Variants in HMGA2 observed in about 807,000 individuals in gnomAD.
HMGA2 encodes high mobility group AT-hook 2, also known as high mobility group protein HMGI-C.
In HMGA2, 8 loss-of-function variants were observed where a neutral mutation model predicts 19.1. The observed-to-expected ratio is 0.42, with a 90% CI of 0.25 to 0.76. The LOEUF (loss-of-function observed/expected upper bound fraction) is 0.76, where lower values mean the gene tolerates loss of function less well. Ranked by LOEUF, HMGA2 falls within the 30% of genes least tolerant of loss-of-function variation. The pLI is 0.28. For missense variants in HMGA2, 109 were observed against 136.3 expected (o/e 0.80, Z 1.00); for synonymous variants, 60 against 48.8 (o/e 1.23, Z -0.96).
intron 3 of HMGA2, among the ~76,000 whole-genome samples, chr12:65,875,565 G>A (rs765974354): frequency 3.1e-4 from 42 of 133,606 alleles, no homozygotes; most frequent in Non-Finnish European, 4.7e-4. Context: ...TTGGGATTGC[G>A]GGCATATGCC....
chr12:65,931,892 G>GCGAT (rs1875729314), intron 3 of HMGA2, among the ~76,000 whole-genome samples: 1 of 152,246 alleles, frequency 6.6e-6, no homozygotes, highest in South Asian at 2.1e-4. Flanking sequence ...TCCAGCCTGG[G>GCGAT]CGATAGAGCA....
Position 65,924,049 on chromosome 12 carries a change from C to T in HMGA2, c.250-27334C>T, listed in dbSNP as rs924112105. ...AAAACAAAAGAACAAACAAAAAAAC[C>T]AGGAAAGTCATTCTCTGACCCACCC... On this transcript the variant is annotated intron_variant, in intron 3 of 4. Transcript: ENST00000403681. 4.0e-5 allele frequency among the ~76,000 whole-genome samples: 6 copies of T among 151,824 alleles called. No homozygotes were observed. The East Asian group carries it at 9.7e-4, about 25-fold the overall frequency.
chr12:65,866,990 G>C (rs1433441482), intron 3 of HMGA2: 1 of 456,248 alleles, frequency 2.2e-6, no homozygotes, highest in Non-Finnish European at 4.4e-6. Flanking sequence ...TGAAGGGGGA[G>C]AAATCAGTTC....
chr12:65,947,713 C>G, intron 3 of HMGA2, among the ~76,000 whole-genome samples: 1 of 152,208 alleles, frequency 6.6e-6, no homozygotes. Context: ...GTCTAAACAA[C>G]TTGAAAGGCT....
chr12:65,879,518 T>C (rs1873246280), intron 3 of HMGA2, among the ~76,000 whole-genome samples: 1 of 152,172 alleles, frequency 6.6e-6, no homozygotes, highest in South Asian at 2.1e-4. Flanking sequence ...AGTAAGTGCA[T>C]GGCCAGAAAA....
chr12:65,961,415 T>C (rs1413110490), intron 4 of HMGA2, among the ~76,000 whole-genome samples: 1 of 152,188 alleles, frequency 6.6e-6, no homozygotes, highest in Non-Finnish European at 1.5e-5. Flanking sequence ...CTCAGGGTCA[T>C]GGCCTGTTGC....
intron 3 of HMGA2, among the ~76,000 whole-genome samples, chr12:65,889,266 GA>G: frequency 6.6e-6 from 1 of 152,182 alleles, no homozygotes; most frequent in Non-Finnish European, 1.5e-5. Flanking sequence ...TCCCAGAAAA[GA>G]AAAAGGGACT....
intron 3 of HMGA2, among the ~76,000 whole-genome samples, chr12:65,847,837 T>C (rs553228005): frequency 1.3e-4 from 20 of 152,342 alleles, no homozygotes; most frequent in African/African-American, 4.8e-4. Flanking sequence ...GTGAGTAGGA[T>C]GACAGTTTTT....
intron 3 of HMGA2, chr12:65,882,117 G>A (rs1873441642): frequency 2.1e-6 from 1 of 479,136 alleles, no homozygotes; most frequent in South Asian, 2.0e-5. Flanking sequence ...ACTGACAAAA[G>A]CAACCTTAGT....
chr12:65,928,957 CATGTATGT>C (rs370239997), intron 3 of HMGA2, among the ~76,000 whole-genome samples: 3 of 152,072 alleles, frequency 2.0e-5, no homozygotes, highest in East Asian at 1.9e-4. Context: ...TGTATATATG[CATGTATGT>C]ATGTATGTAT....
chr12:65,904,241 T>G (rs1874491406), intron 3 of HMGA2, among the ~76,000 whole-genome samples: 1 of 152,374 alleles, frequency 6.6e-6, no homozygotes, highest in African/African-American at 2.4e-5. Flanking sequence ...CCACCCAGTG[T>G]GTTCCTTGGC....
chr12:65,866,415 T>A (rs1486643143), intron 3 of HMGA2, among the ~76,000 whole-genome samples: 2 of 152,162 alleles, frequency 1.3e-5, no homozygotes, highest in Non-Finnish European at 2.9e-5. Context: ...CTGGGTGGAC[T>A]TGATGGAGGA....
At chr12:65,880,397 T>C (rs954587486) in intron 3 of HMGA2, among the ~76,000 whole-genome samples, 5 of 152,238 alleles carry the variant, frequency 3.3e-5, no homozygotes, top group African/African-American at 1.2e-4. Flanking sequence ...ATGAAACACG[T>C]GTTGCCCTTT....
At chr12:65,866,020 G>A (rs767992250) in intron 3 of HMGA2, among the ~76,000 whole-genome samples, 2 of 152,074 alleles carry the variant, frequency 1.3e-5, no homozygotes, top group African/African-American at 2.4e-5. Flanking sequence ...GTGAACTCTG[G>A]GAATCATAGC....
chr12:65,930,246 C>A (rs572015574), intron 3 of HMGA2, among the ~76,000 whole-genome samples: 1 of 152,146 alleles, frequency 6.6e-6, no homozygotes, highest in Non-Finnish European at 1.5e-5. Context: ...TAGAAAGGGT[C>A]TATTGAACTT....
intron 2 of HMGA2, among the ~76,000 whole-genome samples, chr12:65,837,959 T>A (rs1349981180): frequency 6.6e-6 from 1 of 152,176 alleles, no homozygotes; most frequent in African/African-American, 2.4e-5. Context: ...AAATTAAACA[T>A]GTAGAAGTGT....
At chr12:65,843,175 A>C (rs936011636) in intron 3 of HMGA2, 5 of 226,060 alleles carry the variant, frequency 2.2e-5, no homozygotes, top group Non-Finnish European at 3.5e-5. Context: ...TCCAAGGACC[A>C]GATGCTTAAA....
chr12:65,928,030 G>A (rs569897131), intron 3 of HMGA2, among the ~76,000 whole-genome samples: 5 of 150,394 alleles, frequency 3.3e-5, no homozygotes, highest in African/African-American at 9.8e-5. Flanking sequence ...ATCATACATT[G>A]CTTAACAATA....
intron 3 of HMGA2, among the ~76,000 whole-genome samples, chr12:65,872,183 A>G (rs892302846): frequency 9.2e-5 from 14 of 152,188 alleles, no homozygotes; most frequent in African/African-American, 3.4e-4. Context: ...GGTTGCCAGT[A>G]ACCTCTTAAC....
Sources: gnomAD v4.1 joint callset for allele counts (sites outside exome capture counted in the v4.1 genomes callset) on GRCh38, gnomAD v4.1.1 for gene constraint, MANE v1.5 for transcripts, NCBI Gene and HGNC (gene_info 2026-07-23, HGNC 2026-07-21) for gene names.